PTPRG: variants seen among roughly 807,000 people sequenced by gnomAD.
PTPRG encodes receptor-type tyrosine-protein phosphatase gamma.
In PTPRG, 102 loss-of-function variants were observed where a neutral mutation model predicts 165.3. That is an observed-to-expected ratio of 0.62 (90% CI 0.53 to 0.73). The LOEUF is 0.73. Ranked by LOEUF, PTPRG falls within the 30% of genes least tolerant of loss-of-function variation. The pLI is 0.00. For synonymous variants in PTPRG, 675 were observed against 669.5 expected (o/e 1.01, Z -0.13); for missense variants, 1,866 against 1,861.4 (o/e 1.00, Z -0.05).
At chr3:61,612,888 T>C (rs35239088) in intron 1 of PTPRG, among the ~76,000 whole-genome samples, 16,055 of 141,620 alleles carry the variant, frequency 0.11, 972 homozygotes, top group East Asian at 0.23. Context: ...TGTGTGTGTG[T>C]GCGCACTTGT....
intron 5 of PTPRG, among the ~76,000 whole-genome samples, chr3:62,099,793 C>CT (rs759385441): frequency 0.014 from 1,273 of 90,676 alleles, 24 homozygotes; most frequent in African/African-American, 0.029. Flanking sequence ...AGTGTTAAAT[C>CT]TTTTTTTTTT....
At chr3:62,066,485 A>G (rs1264095787) in intron 4 of PTPRG, among the ~76,000 whole-genome samples, 2 of 148,692 alleles carry the variant, frequency 1.3e-5, no homozygotes, top group South Asian at 2.2e-4. Context: ...GTACAAAGCA[A>G]TTTCTAAAAA....
intron 6 of PTPRG, among the ~76,000 whole-genome samples, chr3:62,135,397 C>T (rs1283629156): frequency 6.6e-6 from 1 of 152,116 alleles, no homozygotes; most frequent in Non-Finnish European, 1.5e-5. Flanking sequence ...TCATGTCCTT[C>T]ACAGTCTCTG....
chr3:62,063,890 G>A (rs1019577319), intron 4 of PTPRG, among the ~76,000 whole-genome samples: 2 of 152,136 alleles, frequency 1.3e-5, no homozygotes, highest in African/African-American at 4.8e-5. Flanking sequence ...GATACATGAA[G>A]AGTGAATTGT....
intron 5 of PTPRG, among the ~76,000 whole-genome samples, chr3:62,110,330 G>T (rs1559518093): frequency 6.6e-6 from 1 of 152,052 alleles, no homozygotes; most frequent in East Asian, 1.9e-4. Flanking sequence ...GTGACCAACA[G>T]CTATTTTGTT....
chr3:61,941,449 C>T lies in PTPRG; in HGVS notation c.191-48176C>T, dbSNP rs1157123375. Among the ~76,000 whole-genome samples the T allele has an allele frequency of 2.0e-5, 3 of 152,138 alleles. No individual in the cohort carries two copies. The South Asian group carries it at 6.2e-4, about 32-fold the overall frequency. ...ACCGTCCTGGCCAACATGATGAAAC[C>T]CCGTCTCTACTAAAATACAAAAAAT... On this transcript the variant is annotated intron_variant, in intron 2 of 29. Transcript: ENST00000474889.
chr3:62,053,591 AT>A (rs1459734360), intron 4 of PTPRG, among the ~76,000 whole-genome samples: 1 of 152,094 alleles, frequency 6.6e-6, no homozygotes, highest in African/African-American at 2.4e-5. Context: ...TTTGAAACTT[AT>A]CTAGCTAGTG....
In PTPRG at chr3:62,224,861, C is replaced by G. The variant is rs576137523; in HGVS notation, c.2288+5878C>G. On this transcript the variant is annotated intron_variant, in intron 13 of 29. Transcript: ENST00000474889. The surrounding 1 kb of genome is among the most constrained non-coding windows in gnomAD (Gnocchi z 4.9). The stretch of plus-strand genomic sequence containing the variant: ...CTATAGTTCTCCCTTGAATGTCCCT[C>G]GCAAAGGTCTGCCTTGAAGAGCTGT... Among the ~76,000 whole-genome samples the G allele has an allele frequency of 6.6e-6, 1 of 152,240 alleles. No homozygotes were observed. The highest frequency in any genetic ancestry group is 1.9e-4 in the East Asian group (1 of 5,180).
intron 2 of PTPRG, among the ~76,000 whole-genome samples, chr3:61,829,582 C>G (rs1169715952): frequency 6.6e-6 from 1 of 152,244 alleles, no homozygotes; most frequent in African/African-American, 2.4e-5. Context: ...CTGTCTCTTT[C>G]TCTTGGATTT....
intron 2 of PTPRG, among the ~76,000 whole-genome samples, chr3:61,832,423 G>C (rs1307687320): frequency 6.6e-6 from 1 of 152,192 alleles, no homozygotes; most frequent in Non-Finnish European, 1.5e-5. Flanking sequence ...GAGTTTTGGA[G>C]CATAGAGAGT....
intron 6 of PTPRG, among the ~76,000 whole-genome samples, chr3:62,155,860 G>A (rs754571188): frequency 6.6e-6 from 1 of 152,166 alleles, no homozygotes; most frequent in African/African-American, 2.4e-5. Flanking sequence ...GTAGCCTCAG[G>A]TGTGTCTATG....
intron 4 of PTPRG, among the ~76,000 whole-genome samples, chr3:62,007,051 C>G (rs2041315004): frequency 6.6e-6 from 1 of 152,130 alleles, no homozygotes. Flanking sequence ...CATTGCTGTT[C>G]CTGGTTTCTT....
At chr3:62,141,286 C>A (rs1194658356) in intron 6 of PTPRG, among the ~76,000 whole-genome samples, 1 of 152,020 alleles carries the variant, frequency 6.6e-6, no homozygotes, top group Non-Finnish European at 1.5e-5. Context: ...ATGTCTGTCC[C>A]CTAGAGAAAC....
intron 2 of PTPRG, among the ~76,000 whole-genome samples, chr3:61,795,718 T>C (rs760481895): frequency 1.4e-5 from 2 of 146,648 alleles, no homozygotes; most frequent in African/African-American, 2.6e-5. Flanking sequence ...TGAGAAAATA[T>C]AGATGCCTGG....
intron 8 of PTPRG, among the ~76,000 whole-genome samples, chr3:62,170,056 TGAG>T (rs1312885708): frequency 6.6e-6 from 1 of 152,178 alleles, no homozygotes; most frequent in Non-Finnish European, 1.5e-5. Flanking sequence ...TTGAGGTTAG[TGAG>T]GAGAAGTGAG....
chr3:61,711,511 C>G (rs1301383481), intron 1 of PTPRG, among the ~76,000 whole-genome samples: 1 of 152,196 alleles, frequency 6.6e-6, no homozygotes, highest in East Asian at 1.9e-4. Context: ...TTGCATTTCT[C>G]TAATGACCAG....
At chr3:61,584,087 T>C (rs535914821) in intron 1 of PTPRG, among the ~76,000 whole-genome samples, 10 of 152,340 alleles carry the variant, frequency 6.6e-5, no homozygotes, top group Admixed American at 5.2e-4. Flanking sequence ...TTCGGGAATC[T>C]GAGGACTTTT....
intron 3 of PTPRG, among the ~76,000 whole-genome samples, chr3:61,990,896 T>C (rs2040871054): frequency 7.7e-6 from 1 of 130,658 alleles, no homozygotes. Context: ...GTCACAAAGT[T>C]GCCTTTTTTT....
At chr3:61,592,560 T>C (rs1427832957) in intron 1 of PTPRG, among the ~76,000 whole-genome samples, 2 of 152,090 alleles carry the variant, frequency 1.3e-5, no homozygotes, top group Non-Finnish European at 2.9e-5. Flanking sequence ...TTTAGCCTAA[T>C]CAAAATAGTT....
Sources: allele counts gnomAD v4.1 joint callset (sites outside exome capture counted in the v4.1 genomes callset), GRCh38; gene constraint gnomAD v4.1.1; non-coding constraint Gnocchi (gnomAD v3.1); transcripts MANE v1.5; gene names NCBI Gene and HGNC (gene_info 2026-07-23, HGNC 2026-07-21).